The following GNA13 variants were observed in gnomAD, a reference collection of about 807,000 sequenced individuals.
The protein encoded by GNA13 is guanine nucleotide-binding protein subunit alpha-13.
GNA13 carries 4 observed loss-of-function variants against 33.5 expected under a neutral mutation model. That is an observed-to-expected ratio of 0.12 (90% CI 0.06 to 0.27). The LOEUF (loss-of-function observed/expected upper bound fraction) is 0.27. GNA13 is among the 10% of genes least tolerant of loss of function. The pLI is 1.00. For missense variants in GNA13, 319 were observed against 487.2 expected, an observed-to-expected ratio of 0.65 and a Z score of 3.25; for synonymous variants, 176 against 183.8, an observed-to-expected ratio of 0.96 and a Z score of 0.34.
intron 2 of GNA13, among the ~76,000 whole-genome samples, chr17:65,049,732 C>T (rs1907795443): frequency 6.6e-6 from 1 of 152,186 alleles, no homozygotes; most frequent in Admixed American, 6.5e-5. Flanking sequence ...TCATCCAAAC[C>T]ACCTATGGCT....
At chr17:65,040,515 G>GA (rs1555602969) in intron 2 of GNA13, among the ~76,000 whole-genome samples, 13 of 151,886 alleles carry the variant, frequency 8.6e-5, no homozygotes, top group Admixed American at 2.0e-4. Context: ...TTTAGGTTTT[G>GA]TTTTTTTTGA....
chr17:65,056,296 T>A lies in GNA13; in HGVS notation c.283+15A>T. Reference sequence around the variant, plus strand: ...CCCTGCCCTTAACCCCCGGCCCCCATTCCCGGCCCGGCACCTTTGATCACG... The same window carrying A: ...CCCTGCCCTTAACCCCCGGCCCCCAATCCCGGCCCGGCACCTTTGATCACG... On this transcript the variant is annotated intron_variant, in intron 1 of 3. Coordinates refer to ENST00000439174, the MANE Select transcript of GNA13 (RefSeq NM_006572.6). The A allele has an allele frequency of 2.3e-5, 24 of 1,038,856 alleles. No individual in the cohort carries two copies. Among genetic ancestry groups the A allele is most frequent in the Non-Finnish European group, 3.0e-5 (22 of 733,836 alleles). The allele number at this position is 1,038,856 out of a possible 1,614,324, so 64.4% of individuals were successfully genotyped here.
intron 2 of GNA13, among the ~76,000 whole-genome samples, chr17:65,039,234 C>T (rs1907371765): frequency 6.6e-6 from 1 of 152,202 alleles, no homozygotes; most frequent in South Asian, 2.1e-4. Flanking sequence ...ATTTTCTTCT[C>T]TTATCTCTAC....
In GNA13 at chr17:65,044,953, G is replaced by C. The variant is rs1907604457; in HGVS notation, c.510+8549C>G. On this transcript the variant is annotated intron_variant, in intron 2 of 3. Coordinates refer to ENST00000439174, the MANE Select transcript of GNA13 (RefSeq NM_006572.6). ...AGGTACTCGGGAGGCTGAGGCAGGA[G>C]AACTGGCTGAGCCTGGGAGGTGGAG... Among the ~76,000 whole-genome samples, 5 of 149,516 alleles carry C rather than the reference G, an allele frequency of 3.3e-5. No individual in the cohort carries two copies. The South Asian group carries it at 1.1e-3, about 32-fold the overall frequency.
intron 2 of GNA13, among the ~76,000 whole-genome samples, chr17:65,028,711 CAAGA>C (rs1447746567): frequency 1.3e-5 from 2 of 152,082 alleles, no homozygotes; most frequent in African/African-American, 2.4e-5. Flanking sequence ...TTCAGGTCAC[CAAGA>C]AAGATGAAAG....
At chr17:65,052,126 ACAT>A (rs1393640084) in intron 2 of GNA13, 1 of 152,200 alleles carries the variant, frequency 6.6e-6, no homozygotes, top group Non-Finnish European at 1.5e-5. Flanking sequence ...AATGTTGGTG[ACAT>A]CATCAAACAA....
intron 2 of GNA13, among the ~76,000 whole-genome samples, chr17:65,045,708 A>T (rs2143821145): frequency 6.6e-6 from 1 of 152,310 alleles, no homozygotes; most frequent in East Asian, 1.9e-4. Flanking sequence ...TCGTTACTAT[A>T]ATAAAGAAAG....
At chr17:65,040,048 A>G (rs893777374) in intron 2 of GNA13, among the ~76,000 whole-genome samples, 3 of 152,208 alleles carry the variant, frequency 2.0e-5, no homozygotes, top group African/African-American at 7.2e-5. Flanking sequence ...TTCTTACCAG[A>G]AAAAGTATTT....
chr17:65,030,126 C>T (rs1385484266), intron 2 of GNA13, among the ~76,000 whole-genome samples: 1 of 152,070 alleles, frequency 6.6e-6, no homozygotes, highest in African/African-American at 2.4e-5. Flanking sequence ...AAAAGACATC[C>T]CATAAAAGTG....
intron 1 of GNA13, 35 bp downstream of exon 1, chr17:65,056,276 C>T: frequency 8.2e-7 from 1 of 1,214,072 alleles, no homozygotes; most frequent in Admixed American, 1.9e-5. Context: ...AGCCCCCCTG[C>T]CCTTAACCCC....
At position 65,056,700 on chromosome 17, in the gene GNA13, G is replaced by A; in HGVS notation, c.-107C>T. The A allele has an allele frequency of 2.8e-6, 2 of 723,050 alleles. No homozygotes were observed. The highest frequency in any genetic ancestry group is 3.8e-6 in the Non-Finnish European group (2 of 522,104). 44.8% of individuals were successfully genotyped at this position (723,050 alleles called of 1,614,324 possible). A position where few individuals can be genotyped will look rare whatever the true frequency, so the allele number is the denominator to read the frequency against. ...AGGCTCGAGGGCGGGGAGCGCGGCG[G>A]CGGCCCGAGCGCGCCCAGGGAGGGA... On this transcript the variant is annotated 5_prime_UTR_variant, in exon 1 of 4. Coordinates refer to ENST00000439174, the MANE Select transcript of GNA13 (RefSeq NM_006572.6).
intron 2 of GNA13, among the ~76,000 whole-genome samples, chr17:65,028,377 C>T (rs1480257917): frequency 6.7e-6 from 1 of 148,770 alleles, no homozygotes; most frequent in Non-Finnish European, 1.5e-5. Flanking sequence ...CCACTGCACT[C>T]CAACCTGAGC....
Position 65,009,292 on chromosome 17 carries a change from A to G in GNA13, c.*4965T>C, listed in dbSNP as rs961964530. ...ACTGTTAAATAACATCATAGTATTG[A>G]ATTGTTTACAAATGTTTATTAAATG... On this transcript the variant is annotated 3_prime_UTR_variant, in exon 4 of 4. Transcript: ENST00000439174. Among the ~76,000 whole-genome samples, 16 of 152,252 alleles carry G rather than the reference A, an allele frequency of 1.1e-4. No homozygotes were observed. The highest frequency in any genetic ancestry group is 2.2e-4 in the Non-Finnish European group (15 of 68,044).
intron 2 of GNA13, among the ~76,000 whole-genome samples, chr17:65,019,030 C>G (rs919039665): frequency 6.6e-6 from 1 of 152,152 alleles, no homozygotes; most frequent in East Asian, 1.9e-4. Context: ...GTCCTCACCC[C>G]CTGCGTTTCA....
intron 2 of GNA13, among the ~76,000 whole-genome samples, chr17:65,051,329 T>G (rs1326351183): frequency 6.6e-6 from 1 of 151,856 alleles, no homozygotes; most frequent in Non-Finnish European, 1.5e-5. Context: ...AAACAGGAGG[T>G]AGATGGCCAG....
intron 2 of GNA13, among the ~76,000 whole-genome samples, chr17:65,046,086 C>A (rs1247506213): frequency 2.6e-5 from 4 of 152,068 alleles, no homozygotes; most frequent in African/African-American, 9.7e-5. Flanking sequence ...CTGTGAAATG[C>A]GGATAACAGT....
chr17:65,033,282 C>T (rs966929856), intron 2 of GNA13, among the ~76,000 whole-genome samples: 1 of 150,818 alleles, frequency 6.6e-6, no homozygotes, highest in South Asian at 2.1e-4. Context: ...CCCAGGAGTT[C>T]GAGACCAGCC....
chr17:65,047,866 A>AT (rs1385997808), intron 2 of GNA13, among the ~76,000 whole-genome samples: 1 of 152,210 alleles, frequency 6.6e-6, no homozygotes, highest in African/African-American at 2.4e-5. Flanking sequence ...AGTTTCTAGA[A>AT]TACTTAGTTG....
At chr17:65,038,980 TA>T (rs945935107) in intron 2 of GNA13, among the ~76,000 whole-genome samples, 1 of 152,044 alleles carries the variant, frequency 6.6e-6, no homozygotes, top group African/African-American at 2.4e-5. Flanking sequence ...CACCATAAAG[TA>T]AAAAAATCGT....
Sources: gnomAD v4.1 joint callset for allele counts (sites outside exome capture counted in the v4.1 genomes callset) on GRCh38, gnomAD v4.1.1 for gene constraint, MANE v1.5 for transcripts, NCBI Gene and HGNC (gene_info 2026-07-23, HGNC 2026-07-21) for gene names.